The following IL13RA1 variants were observed in gnomAD, a reference collection of about 807,000 sequenced individuals.
IL13RA1 encodes the protein interleukin-13 receptor subunit alpha-1.
A neutral mutation model predicts 33.8 loss-of-function variants in IL13RA1; 14 were observed. The observed-to-expected ratio is 0.41, with a 90% CI of 0.27 to 0.65. The LOEUF is 0.65. Ranked by LOEUF, IL13RA1 falls within the 30% of genes least tolerant of loss-of-function variation. The pLI is 0.28. For missense variants in IL13RA1, 313 were observed against 327.0 expected, an observed-to-expected ratio of 0.96 and a Z score of 0.33; for synonymous variants, 116 against 115.7, an observed-to-expected ratio of 1.00 and a Z score of -0.02.
At chrX:118,798,852 G>A (rs2018046899), downstream of IL13RA1, among the ~76,000 whole-genome samples, 1 of 112,760 alleles carries the variant, frequency 8.9e-6, no homozygotes, top group African/African-American at 3.2e-5. Flanking sequence ...TCCCACTTTG[G>A]CGGCACTTGA....
Position 118,729,281 on chromosome X carries a change from T to TCCCA in IL13RA1, c.88+1556_88+1559dup, listed in dbSNP as rs1035455685. ...TGGCCATCTAGAGAATACTGGCAAC[T>TCCCA]CCCAACTTCATCAGTCCTGTCACAA... is the stretch of plus-strand genomic sequence containing the variant. On this transcript the variant is annotated intron_variant, in intron 1 of 10. Coordinates refer to ENST00000371666, the MANE Select transcript of IL13RA1 (RefSeq NM_001560.3). 1.8e-4 allele frequency among the ~76,000 whole-genome samples: 20 copies of TCCCA among 112,211 alleles called. 1 individual carries two copies. The highest frequency in any genetic ancestry group is 6.5e-4 in the African/African-American group (20 of 30,854).
intron 5 of IL13RA1, among the ~76,000 whole-genome samples, chrX:118,760,365 G>A (rs937919685): frequency 8.9e-5 from 10 of 111,972 alleles, no homozygotes; most frequent in African/African-American, 3.2e-4. Context: ...TGCAGTGTGT[G>A]TCAGAGACTA....
chrX:118,757,370 A>C (rs2017541000), intron 4 of IL13RA1, among the ~76,000 whole-genome samples: 1 of 109,144 alleles, frequency 9.2e-6, no homozygotes, highest in African/African-American at 3.3e-5. Context: ...TCTCCACTAA[A>C]AATACAAAAA....
At chrX:118,765,417 T>A (rs929170075) in intron 6 of IL13RA1, among the ~76,000 whole-genome samples, 3 of 111,809 alleles carry the variant, frequency 2.7e-5, no homozygotes, top group Admixed American at 9.5e-5. Context: ...GCCCAGAATG[T>A]ACTTTTTTGT....
At chrX:118,770,222 A>G (rs2248849) in intron 8 of IL13RA1, 60,331 of 300,048 alleles carry the variant, frequency 0.2, 4,965 homozygotes, top group East Asian at 0.45. Context: ...CATCCAGTCA[A>G]TGAGTGCACC....
At chrX:118,798,150 C>T (rs2018041736), downstream of IL13RA1, among the ~76,000 whole-genome samples, 1 of 111,441 alleles carries the variant, frequency 9.0e-6, no homozygotes, top group Admixed American at 9.5e-5. Context: ...GCTTTTATGC[C>T]TCTCAACACG....
intron 10 of IL13RA1, among the ~76,000 whole-genome samples, chrX:118,781,517 A>C (rs1470067893): frequency 9.0e-6 from 1 of 110,650 alleles, no homozygotes; most frequent in African/African-American, 3.3e-5. Context: ...ATGCCTGGCT[A>C]ATTTTTGTAA....
intron 4 of IL13RA1, among the ~76,000 whole-genome samples, chrX:118,756,493 G>A (rs1316954): frequency 0.3 from 33,595 of 110,521 alleles, 4,704 homozygotes; most frequent in African/African-American, 0.52. Context: ...GAAAGCCATT[G>A]TGTTTTAGAA....
intron 1 of IL13RA1, among the ~76,000 whole-genome samples, chrX:118,739,480 AATTACT>A (rs1426730690): frequency 1.8e-5 from 2 of 112,317 alleles, no homozygotes; most frequent in East Asian, 5.6e-4. Flanking sequence ...TCATTTGGTA[AATTACT>A]ATTACTATAA....
At chrX:118,740,075 T>C (rs1310733420) in intron 1 of IL13RA1, among the ~76,000 whole-genome samples, 1 of 112,262 alleles carries the variant, frequency 8.9e-6, no homozygotes, top group Non-Finnish European at 1.9e-5. Flanking sequence ...AGTCATCCTT[T>C]TGCTTCAGCC....
At chrX:118,762,994 G>A (rs1035693414) in intron 6 of IL13RA1, among the ~76,000 whole-genome samples, 2 of 111,674 alleles carry the variant, frequency 1.8e-5, no homozygotes, top group African/African-American at 6.5e-5. Flanking sequence ...ATGGACACAT[G>A]GAGGTGAACA....
intron 8 of IL13RA1, chrX:118,770,033 G>C: frequency 8.5e-6 from 2 of 234,855 alleles, no homozygotes; most frequent in Non-Finnish European, 1.6e-5. Flanking sequence ...GTGTGCTGTG[G>C]CTGGCCAGGG....
At chrX:118,732,552 C>A (rs918976005) in intron 1 of IL13RA1, among the ~76,000 whole-genome samples, 1 of 109,693 alleles carries the variant, frequency 9.1e-6, no homozygotes, top group East Asian at 2.8e-4. Flanking sequence ...ATCCCTCCCC[C>A]ATCCCCCCAC....
chrX:118,731,280 A>C (rs1470086867), intron 1 of IL13RA1, among the ~76,000 whole-genome samples: 2 of 111,792 alleles, frequency 1.8e-5, no homozygotes. Context: ...TTCAACAGAA[A>C]ACCAAAGCAA....
chrX:118,730,120 C>G (rs2017199862), intron 1 of IL13RA1, among the ~76,000 whole-genome samples: 1 of 111,802 alleles, frequency 8.9e-6, no homozygotes, highest in African/African-American at 3.3e-5. Flanking sequence ...GCCAACATGG[C>G]AAAACCCCGT....
At chrX:118,739,521 C>T (rs905929745) in intron 1 of IL13RA1, among the ~76,000 whole-genome samples, 6 of 111,723 alleles carry the variant, frequency 5.4e-5, no homozygotes, top group African/African-American at 2.0e-4. Flanking sequence ...ATAATGGTTC[C>T]GTTCATCACT....
intron 1 of IL13RA1, among the ~76,000 whole-genome samples, chrX:118,736,750 A>G (rs1311282357): frequency 1.8e-5 from 2 of 111,865 alleles, no homozygotes; most frequent in Non-Finnish European, 3.8e-5. Context: ...GGAACTACAG[A>G]TTCATGCCAC....
chrX:118,780,275 G>C (rs1479502529), intron 10 of IL13RA1, among the ~76,000 whole-genome samples: 1 of 112,178 alleles, frequency 8.9e-6, no homozygotes, highest in Non-Finnish European at 1.9e-5. Context: ...AATGAACATA[G>C]CCCTAGAGGT....
At position 118,729,536 on chromosome X, in the gene IL13RA1, T is replaced by C. The variant is rs552358939; in HGVS notation, c.88+1810T>C. Among the ~76,000 whole-genome samples, 5 of 111,777 alleles carry C rather than the reference T, an allele frequency of 4.5e-5. No homozygotes were observed. The South Asian group carries it at 1.8e-3, about 41-fold the overall frequency. Reference sequence around the variant, plus strand: ...AATGAGGAGGTTGAACTGCATAAATTCTAAGAGCTCCTCCAGCTCTAATCC... The same window carrying C: ...AATGAGGAGGTTGAACTGCATAAATCCTAAGAGCTCCTCCAGCTCTAATCC... On this transcript the variant is annotated intron_variant, in intron 1 of 10. Transcript: ENST00000371666.
Sources: allele counts gnomAD v4.1 joint callset (sites outside exome capture counted in the v4.1 genomes callset), GRCh38; gene constraint gnomAD v4.1.1; transcripts MANE v1.5; gene names NCBI Gene and HGNC (gene_info 2026-07-23, HGNC 2026-07-21).